The following NIPBL variants were observed in gnomAD, a reference collection of about 807,000 sequenced individuals.
The protein encoded by NIPBL is NIPBL cohesin loading factor, also known as nipped-B-like protein.
In NIPBL, 19 loss-of-function variants were observed where a neutral mutation model predicts 321.8. That is an observed-to-expected ratio of 0.06 (90% confidence interval 0.04 to 0.09). The LOEUF (loss-of-function observed/expected upper bound fraction) is 0.09, where lower values mean the gene tolerates loss of function less well. Among genes scored for constraint, NIPBL ranks in the 10% least tolerant of loss-of-function variants. The pLI, the probability that NIPBL is intolerant of heterozygous loss-of-function variation, is 1.00. For missense variants in NIPBL, 2,210 were observed against 3,327.0 expected, an observed-to-expected ratio of 0.66 and a Z score of 8.26; for synonymous variants, 1,106 against 1,114.1, an observed-to-expected ratio of 0.99 and a Z score of 0.14.
Position 37,010,640 on chromosome 5 carries a change from G to A in NIPBL, c.4560+415G>A, listed in dbSNP as rs992089142. Among the ~76,000 whole-genome samples, 10 of 152,172 alleles carry A rather than the reference G, an allele frequency of 6.6e-5. No individual in the cohort carries two copies. In the East Asian group the frequency reaches 1.9e-3, roughly 29 times the overall value. On this transcript the variant is annotated intron_variant, in intron 21 of 46. Coordinates refer to ENST00000282516, the MANE Select transcript of NIPBL (RefSeq NM_133433.4). ...GTTCTTAATTAGAGGTTCATGGCTG[G>A]GCTTTAAGGTCCTTTTAGAGCACTA...
Position 37,062,196 on chromosome 5 carries a change from TCCGCAGGTGC to T in NIPBL, c.7860+1179_7860+1188del, listed in dbSNP as rs1207828343. Among the ~76,000 whole-genome samples the T allele has an allele frequency of 6.6e-5, 10 of 152,230 alleles. No homozygotes were observed. The East Asian group carries it at 1.9e-3, about 29-fold the overall frequency. On this transcript the variant is annotated intron_variant, in intron 45 of 46. Coordinates refer to ENST00000282516, the MANE Select transcript of NIPBL (RefSeq NM_133433.4). ...AGTTTTTGATCCACTGTGGGTTGAA[TCCGCAGGTGC>T]GGAATCCGGGGATACAGAGGGCTAT... is the stretch of plus-strand genomic sequence containing the variant.
intron 38 of NIPBL, among the ~76,000 whole-genome samples, chr5:37,046,840 C>T (rs892478578): frequency 1.3e-5 from 2 of 151,936 alleles, no homozygotes; most frequent in Non-Finnish European, 2.9e-5. Flanking sequence ...GAATTGAATG[C>T]ACTTCAAAAA....
At chr5:37,064,506 T>C (rs1340726842) in intron 46 of NIPBL, 21 bp from the exon 47 acceptor site, 11 of 1,609,450 alleles carry the variant, frequency 6.8e-6, no homozygotes, top group Admixed American at 1.7e-5. Flanking sequence ...TGGTCTTTTT[T>C]CCCCCCTCCC....
chr5:36,961,018 A>G lies in NIPBL; in HGVS notation c.359-466A>G, dbSNP rs141448327. Among the ~76,000 whole-genome samples the G allele has an allele frequency of 5.8e-3, 877 of 152,244 alleles. 4 individuals are homozygous for G. Among genetic ancestry groups the G allele is most frequent in the South Asian group, 0.015 (72 of 4,826 alleles). On this transcript the variant is annotated intron_variant, in intron 4 of 46. Coordinates refer to ENST00000282516, the MANE Select transcript of NIPBL (RefSeq NM_133433.4). ...CAAACTTTCGGCCCATAAATAAAGT[A>G]CTTTTCAAAACCTGTGTCTGAACCA...
intron 1 of NIPBL, among the ~76,000 whole-genome samples, chr5:36,901,637 G>A (rs1384209338): frequency 2.0e-5 from 3 of 148,864 alleles, no homozygotes; most frequent in African/African-American, 7.4e-5. Context: ...AATCTCCCAA[G>A]TAGCGGGGAT....
At chr5:36,918,230 G>A (rs991183102) in intron 1 of NIPBL, among the ~76,000 whole-genome samples, 1 of 152,042 alleles carries the variant, frequency 6.6e-6, no homozygotes, top group Non-Finnish European at 1.5e-5. Context: ...TCCTTGAAGA[G>A]GTCCTTCACA....
intron 30 of NIPBL, 122 bp downstream of exon 30, chr5:37,024,841 T>C (rs764567548): frequency 8.0e-6 from 6 of 754,220 alleles, no homozygotes; most frequent in Non-Finnish European, 1.2e-5. Flanking sequence ...TTATAGTTTA[T>C]AAACTTAAGA....
intron 10 of NIPBL, among the ~76,000 whole-genome samples, chr5:36,987,973 A>G (rs1033230919): frequency 5.9e-5 from 9 of 152,136 alleles, no homozygotes; most frequent in Admixed American, 5.2e-4. Flanking sequence ...GTATGGCTAT[A>G]CAATTTTAGA....
At position 36,976,133 on chromosome 5, in the gene NIPBL, A is replaced by C. The variant is rs1239566508; in HGVS notation, c.1226A>C (p.Asp409Ala). ...TCAAAAACACCCATTACTCCACAAG[A>C]TATAAACCGCCCACTAAATGCTGCT... The part of the protein sequence containing the change: ...QTSKTPITPQ[D>A]INRPLNAAQC... Residue 409 changes from aspartate to alanine, a missense_variant, in exon 9 of 47, where the codon GAT (aspartate) becomes GCT (alanine). Coordinates refer to ENST00000282516, the MANE Select transcript of NIPBL (RefSeq NM_133433.4). 6.2e-7 allele frequency: 1 copy of C among 1,613,862 alleles called. No homozygotes were observed. The highest frequency in any genetic ancestry group is 8.5e-7 in the Non-Finnish European group (1 of 1,179,832).
chr5:36,948,094 T>C (rs6863784), intron 1 of NIPBL, among the ~76,000 whole-genome samples: 6,381 of 152,054 alleles, frequency 0.042, 461 homozygotes, highest in African/African-American at 0.15. Context: ...CAATGATTCT[T>C]TCTCTTTTCT....
chr5:36,989,135 C>T (rs1306017381), intron 10 of NIPBL, among the ~76,000 whole-genome samples: 1 of 152,180 alleles, frequency 6.6e-6, no homozygotes, highest in East Asian at 1.9e-4. Flanking sequence ...CCCATCAATA[C>T]ACCCTAGCTC....
At chr5:36,952,053 T>TGTGTGTGTGTGTGCGTGCGC (rs778597604) in intron 1 of NIPBL, among the ~76,000 whole-genome samples, 62 of 112,212 alleles carry the variant, frequency 5.5e-4, no homozygotes, top group Non-Finnish European at 1.0e-3. Flanking sequence ...TGTGTGTGTG[T>TGTGTGTGTGTGTGCGTGCGC]GCGCGCGCGC....
intron 38 of NIPBL, among the ~76,000 whole-genome samples, chr5:37,046,647 A>G (rs778077960): frequency 6.6e-6 from 1 of 152,244 alleles, no homozygotes; most frequent in Admixed American, 6.5e-5. Context: ...TTATTTATAT[A>G]AAAGCAAATA....
chr5:37,036,697 A>G (rs1751736715), intron 33 of NIPBL, among the ~76,000 whole-genome samples: 1 of 150,734 alleles, frequency 6.6e-6, no homozygotes, highest in Non-Finnish European at 1.5e-5. Context: ...GAGCATTGTA[A>G]TAAAAGCATG....
chr5:36,908,651 T>G (rs1389246445), intron 1 of NIPBL, among the ~76,000 whole-genome samples: 1 of 151,990 alleles, frequency 6.6e-6, no homozygotes, highest in African/African-American at 2.4e-5. Context: ...TAAAAAAAAA[T>G]CTGTAAGTTC....
At chr5:36,974,126 C>T (rs566289004) in intron 8 of NIPBL, among the ~76,000 whole-genome samples, 3 of 152,068 alleles carry the variant, frequency 2.0e-5, no homozygotes, top group East Asian at 1.9e-4. Flanking sequence ...TTTAGATTGC[C>T]GGGGAAAGAG....
At chr5:36,910,724 GAGAT>G (rs1244032257) in intron 1 of NIPBL, among the ~76,000 whole-genome samples, 1 of 152,068 alleles carries the variant, frequency 6.6e-6, no homozygotes, top group Non-Finnish European at 1.5e-5. Flanking sequence ...AAGGTAAAGG[GAGAT>G]ATAGGAGCTG....
chr5:36,918,986 C>CT (rs1226870020), intron 1 of NIPBL, among the ~76,000 whole-genome samples: 1 of 152,078 alleles, frequency 6.6e-6, no homozygotes, highest in East Asian at 1.9e-4. Flanking sequence ...GTAAAATTCT[C>CT]TTTTTTTGTT....
chr5:36,881,494 T>G (rs1475580503), intron 1 of NIPBL, among the ~76,000 whole-genome samples: 3 of 151,990 alleles, frequency 2.0e-5, no homozygotes, highest in Non-Finnish European at 4.4e-5. Flanking sequence ...ATATCTCATT[T>G]AATCTTTTAA....
Sources: gnomAD v4.1 joint callset for allele counts (sites outside exome capture counted in the v4.1 genomes callset) on GRCh38, gnomAD v4.1.1 for gene constraint, MANE v1.5 for transcripts, NCBI Gene and HGNC (gene_info 2026-07-23, HGNC 2026-07-21) for gene names.